The following ZNF506 variants were observed in gnomAD, a reference collection of about 807,000 sequenced individuals.
ZNF506 encodes zinc finger protein 506.
Under a neutral mutation model 11.6 loss-of-function variants are expected in ZNF506, and 10 were observed. That is an observed-to-expected ratio of 0.86 (90% CI 0.53 to 1.46). The LOEUF (loss-of-function observed/expected upper bound fraction) is 1.46. ZNF506 is among the 40% of genes most tolerant of loss of function. The probability of loss-of-function intolerance (pLI) is 0.00; values close to 1 mark genes in which losing one functional copy is unlikely to be tolerated. For missense variants in ZNF506, 425 were observed against 521.2 expected, an observed-to-expected ratio of 0.82 and a Z score of 1.80; for synonymous variants, 156 against 173.3, an observed-to-expected ratio of 0.90 and a Z score of 0.78.
intron 1 of ZNF506, 99 bp downstream of exon 1, chr19:19,821,502 G>A (rs1275946464): frequency 7.4e-6 from 11 of 1,493,642 alleles, no homozygotes; most frequent in Middle Eastern, 1.7e-4. Flanking sequence ...CTGACTGCCG[G>A]GAGGCCTGAG....
In ZNF506 at chr19:19,795,254, C is replaced by CTAT. The variant is rs1189124421; in HGVS notation, c.632_633insATA (p.Lys211_Gln212insTer). On this transcript the variant is annotated stop_gained and inframe_insertion, in exon 4 of 4. Transcript: ENST00000540806. LOFTEE classifies it low-confidence loss of function (END_TRUNC). ...TATGTGTAGTAAGGTGTGAGGACTGCTTATAGGCTTTACCACATTCTTCAC... is the reference window on the plus strand; with the variant it reads ...TATGTGTAGTAAGGTGTGAGGACTGCTATTTATAGGCTTTACCACATTCTTCAC... 6.2e-7 allele frequency: 1 copy of CTAT among 1,613,852 alleles called. No homozygotes were observed. The highest frequency in any genetic ancestry group is 2.2e-5 in the East Asian group (1 of 44,846).
chr19:19,808,187 G>C (rs931983699), intron 1 of ZNF506, among the ~76,000 whole-genome samples: 1 of 130,696 alleles, frequency 7.7e-6, no homozygotes, highest in Non-Finnish European at 1.6e-5. Flanking sequence ...GCAGTGGCGC[G>C]ATCTCGGCTC....
At chr19:19,811,058 A>T (rs1202341318) in intron 1 of ZNF506, among the ~76,000 whole-genome samples, 1 of 152,016 alleles carries the variant, frequency 6.6e-6, no homozygotes, top group Non-Finnish European at 1.5e-5. Flanking sequence ...AAGAAATGTA[A>T]ATCCAGAGTT....
At chr19:19,799,957 G>A (rs1398644851) in intron 3 of ZNF506, among the ~76,000 whole-genome samples, 1 of 151,658 alleles carries the variant, frequency 6.6e-6, no homozygotes. Context: ...AATTTGGTAT[G>A]AGCATAAAGA....
chr19:19,795,672 A>C lies in ZNF506; in HGVS notation c.227-12T>G. 1.3e-6 allele frequency: 2 copies of C among 1,486,142 alleles called. No homozygotes were observed. Among genetic ancestry groups the C allele is most frequent in the Non-Finnish European group, 8.9e-7 (1 of 1,121,056 alleles). The allele number at this position is 1,486,142 out of a possible 1,614,324, so 92.1% of individuals were successfully genotyped here. On this transcript the variant is annotated splice_polypyrimidine_tract_variant and intron_variant, in intron 3 of 3. Transcript: ENST00000540806. The stretch of plus-strand genomic sequence containing the variant: ...ATGAGAATACATAACTGAAAGAAAC[A>C]ATAAAAACACATGACTTCAATTGCT...
intron 1 of ZNF506, among the ~76,000 whole-genome samples, chr19:19,814,686 C>G (rs1328022881): frequency 6.6e-6 from 1 of 150,756 alleles, no homozygotes; most frequent in Non-Finnish European, 1.5e-5. Flanking sequence ...GTACCCTGAA[C>G]CAAAAATAAA....
intron 1 of ZNF506, among the ~76,000 whole-genome samples, chr19:19,818,849 G>A (rs923076982): frequency 2.0e-5 from 3 of 152,094 alleles, no homozygotes; most frequent in African/African-American, 7.2e-5. Flanking sequence ...CTAGCCGGGC[G>A]CAGTGGCGGG....
intron 3 of ZNF506, 151 bp downstream of exon 3, chr19:19,805,880 G>A (rs867584502): frequency 1.1e-5 from 7 of 655,586 alleles, no homozygotes; most frequent in African/African-American, 5.7e-5. Context: ...AAAATTAAAA[G>A]AAAAAAGAAA....
chr19:19,811,597 T>A (rs1041872953), intron 1 of ZNF506, among the ~76,000 whole-genome samples: 1 of 151,242 alleles, frequency 6.6e-6, no homozygotes, highest in African/African-American at 2.4e-5. Flanking sequence ...AGGTCAGGAG[T>A]TCAAGACCAG....
At chr19:19,812,372 G>C (rs1373917976) in intron 1 of ZNF506, among the ~76,000 whole-genome samples, 1 of 152,198 alleles carries the variant, frequency 6.6e-6, no homozygotes, top group African/African-American at 2.4e-5. Flanking sequence ...TTCCCTGGTG[G>C]AACTCCACAA....
chr19:19,815,617 C>T (rs1159089982), intron 1 of ZNF506, among the ~76,000 whole-genome samples: 1 of 152,194 alleles, frequency 6.6e-6, no homozygotes, highest in African/African-American at 2.4e-5. Context: ...GTCTGCTGAA[C>T]ATCAAACAAT....
intron 3 of ZNF506, among the ~76,000 whole-genome samples, chr19:19,805,347 G>A (rs2145187890): frequency 6.6e-6 from 1 of 152,002 alleles, no homozygotes; most frequent in East Asian, 1.9e-4. Context: ...TTATGTCTAT[G>A]GATTGAAAGA....
intron 1 of ZNF506, among the ~76,000 whole-genome samples, chr19:19,817,331 A>C (rs2062940865): frequency 6.6e-6 from 1 of 152,130 alleles, no homozygotes; most frequent in Non-Finnish European, 1.5e-5. Flanking sequence ...TAGGAAAGAA[A>C]GTGTTTTTCT....
At chr19:19,803,713 C>G (rs1174580525) in intron 3 of ZNF506, among the ~76,000 whole-genome samples, 1 of 152,104 alleles carries the variant, frequency 6.6e-6, no homozygotes, top group African/African-American at 2.4e-5. Context: ...AGATTTTTTA[C>G]TTTCTAAAAT....
In ZNF506 at chr19:19,794,380, C is replaced by T. The variant is rs950557037; in HGVS notation, c.*172G>A. On this transcript the variant is annotated 3_prime_UTR_variant, in exon 4 of 4. Transcript: ENST00000540806. The stretch of plus-strand genomic sequence containing the variant: ...TCTTCACACTTGTAGGGTTTCTGTC[C>T]AGTATAAATTATGTGTAATAAGGGT... The T allele has an allele frequency of 9.4e-6, 6 of 638,184 alleles. No individual in the cohort carries two copies. The highest frequency in any genetic ancestry group is 2.9e-5 in the East Asian group (1 of 34,652). 39.5% of individuals were successfully genotyped at this position (638,184 alleles called of 1,614,324 possible). A position where few individuals can be genotyped will look rare whatever the true frequency, so the allele number is the denominator to read the frequency against.
intron 3 of ZNF506, chr19:19,795,871 A>T: frequency 1.9e-6 from 1 of 538,954 alleles, no homozygotes. Flanking sequence ...TTAAGTGTGT[A>T]AAGGGCTCCA....
chr19:19,804,264 T>C (rs1364268802), intron 3 of ZNF506, among the ~76,000 whole-genome samples: 1 of 151,964 alleles, frequency 6.6e-6, no homozygotes, highest in African/African-American at 2.4e-5. Context: ...CACCAAAAAG[T>C]GGGCAAAGGA....
At chr19:19,801,439 G>A (rs145955646) in intron 3 of ZNF506, among the ~76,000 whole-genome samples, 3,233 of 150,928 alleles carry the variant, frequency 0.021, 126 homozygotes, top group African/African-American at 0.075. Context: ...AGGTTGCAGT[G>A]AGCCAAAATC....
At chr19:19,797,046 A>C (rs1223764540) in intron 3 of ZNF506, 1 of 152,214 alleles carries the variant, frequency 6.6e-6, no homozygotes, top group East Asian at 1.9e-4. Flanking sequence ...TCCAAATCTC[A>C]AAGATTACAA....
Sources: gnomAD v4.1 joint callset for allele counts (sites outside exome capture counted in the v4.1 genomes callset) on GRCh38, gnomAD v4.1.1 for gene constraint, MANE v1.5 for transcripts, NCBI Gene and HGNC (gene_info 2026-07-23, HGNC 2026-07-21) for gene names.